The following NBPF3 variants were observed in gnomAD, a reference collection of about 807,000 sequenced individuals.
NBPF3 encodes the protein NBPF member 3.
NBPF3 carries 57 observed loss-of-function variants against 78.1 expected under a neutral mutation model. The observed-to-expected ratio is 0.73, with a 90% CI of 0.59 to 0.91. NBPF3 has a LOEUF of 0.91. Ranked by LOEUF, NBPF3 falls within the 40% of genes least tolerant of loss-of-function variation. The pLI is 0.00. For missense variants in NBPF3, 510 were observed against 715.3 expected, an observed-to-expected ratio of 0.71 and a Z score of 3.27; for synonymous variants, 182 against 271.7, an observed-to-expected ratio of 0.67 and a Z score of 3.25.
At chr1:21,477,929 T>C (rs1642970129) in intron 8 of NBPF3, 2 of 925,522 alleles carry the variant, frequency 2.2e-6, no homozygotes, top group Non-Finnish European at 3.2e-6. Flanking sequence ...CTGTGGCAAA[T>C]GTACTGAGCA....
chr1:21,478,197 G>T lies in NBPF3; in HGVS notation c.1046G>T (p.Gly349Val). 1 of 1,614,162 alleles carries T rather than the reference G, an allele frequency of 6.2e-7. No homozygotes were observed. The highest frequency in any genetic ancestry group is 8.5e-7 in the Non-Finnish European group (1 of 1,180,030). ...GCCCCCCAGGAGTCCTGGGATGAAG[G>T]TGATTGGACTCTCTCAATTCCTCCT... Reference protein sequence around the residue: ...EEAPQESWDEGDWTLSIPPDM... With the variant: ...EEAPQESWDEVDWTLSIPPDM... The change falls in exon 9 of 15, where the codon GGT (glycine) becomes GTT (valine). Residue 349 changes from glycine (G) to valine (V), a missense_variant. Physicochemically the swap from Gly to Val is moderately radical, Grantham distance 109. Around this residue, in one of 5 missense-constraint regions of NBPF3, gnomAD observed 440 missense variants for 478.2 expected, o/e 0.92. Coordinates refer to ENST00000318249, the MANE Select transcript of NBPF3 (RefSeq NM_032264.6).
Position 21,471,637 on chromosome 1 carries a change from G to A in NBPF3, c.515G>A (p.Gly172Glu). 1 of 1,612,696 alleles carries A rather than the reference G, an allele frequency of 6.2e-7. No homozygotes were observed. Among genetic ancestry groups the A allele is most frequent in the Non-Finnish European group, 8.5e-7 (1 of 1,179,844 alleles). ...LTQLREKLQEGRDASRSLNQH... is the reference protein window; with the variant it reads ...LTQLREKLQEERDASRSLNQH... ...CAGTTAAGGGAGAAGTTACAGGAAG[G>A]GAGAGATGCCTCCCGCTCATTGAAT... The change falls in exon 5 of 15, where the codon GGG becomes GAG. Residue 172 changes from glycine to glutamate, a missense_variant. This residue lies in a region of NBPF3 where 440 missense variants were observed against 478.2 expected (regional missense o/e 0.92). Transcript: ENST00000318249.
At chr1:21,463,267 A>G (rs958122756) in intron 2 of NBPF3, among the ~76,000 whole-genome samples, 10 of 152,170 alleles carry the variant, frequency 6.6e-5, no homozygotes, top group Non-Finnish European at 1.5e-4. Context: ...TCAACTCTAA[A>G]GGGCCTGAGG....
rs1185025579 is a variant in NBPF3, at chr1:21,470,817, C to G, written c.446+83C>G. On this transcript the variant is annotated intron_variant, in intron 4 of 14. Transcript: ENST00000318249. ...GCAGCTCGGCAGGGAGAACTAAGAG[C>G]TGAACTGGGCCAGGGGAAGGGCAGG... is the stretch of plus-strand genomic sequence containing the variant. The G allele has an allele frequency of 3.5e-6, 3 of 857,070 alleles. No homozygotes were observed. The African/African-American group carries it at 5.1e-5, about 15-fold the overall frequency. The allele number at this position is 857,070 out of a possible 1,614,324, so 53.1% of individuals were successfully genotyped here.
intron 2 of NBPF3, 134 bp from the exon 3 acceptor site, chr1:21,468,554 T>A: frequency 6.5e-7 from 1 of 1,547,334 alleles, no homozygotes; most frequent in African/African-American, 1.4e-5. Context: ...GATCCTAAAG[T>A]GCTGCGGGGA....
chr1:21,441,635 A>G (rs1476122261), intron 1 of NBPF3, among the ~76,000 whole-genome samples: 1 of 150,886 alleles, frequency 6.6e-6, no homozygotes, highest in Admixed American at 6.6e-5. Flanking sequence ...AGAGCCCGGA[A>G]GGTTGAGATT....
At chr1:21,480,598 GCTGAATACTGCAGTTTTC>G (rs1391746120) in intron 11 of NBPF3, among the ~76,000 whole-genome samples, 2 of 152,308 alleles carry the variant, frequency 1.3e-5, no homozygotes, top group East Asian at 3.8e-4. Context: ...ATGAGACAGG[GCTGAATACTGCAGTTTTC>G]CTCCTAGAAA....
At chr1:21,475,595 CT>C (rs1642848136) in intron 8 of NBPF3, among the ~76,000 whole-genome samples, 1 of 152,190 alleles carries the variant, frequency 6.6e-6, no homozygotes, top group Non-Finnish European at 1.5e-5. Flanking sequence ...ATCCTGAGCT[CT>C]AATTTGATAG....
chr1:21,444,115 G>A (rs113925591), intron 1 of NBPF3, among the ~76,000 whole-genome samples: 3 of 152,110 alleles, frequency 2.0e-5, no homozygotes, highest in African/African-American at 7.2e-5. Flanking sequence ...GACCTTGCCT[G>A]GCATGAAACA....
intron 2 of NBPF3, among the ~76,000 whole-genome samples, chr1:21,463,910 T>C (rs1642101646): frequency 6.6e-6 from 1 of 152,138 alleles, no homozygotes; most frequent in South Asian, 2.1e-4. Flanking sequence ...GAGATACCAC[T>C]TCACACCCAG....
At chr1:21,472,214 G>A (rs1642637756) in intron 5 of NBPF3, among the ~76,000 whole-genome samples, 2 of 152,200 alleles carry the variant, frequency 1.3e-5, no homozygotes, top group South Asian at 4.1e-4. Flanking sequence ...TGCAAAGGCA[G>A]GCAAATTGTC....
chr1:21,466,276 C>T (rs891763918), intron 2 of NBPF3: 17 of 189,976 alleles, frequency 8.9e-5, no homozygotes, highest in Admixed American at 2.0e-4. Flanking sequence ...TAATAACACA[C>T]TTGGCCTTAT....
chr1:21,456,065 A>C (rs1357934302), intron 2 of NBPF3, among the ~76,000 whole-genome samples: 2 of 152,198 alleles, frequency 1.3e-5, no homozygotes, highest in Admixed American at 1.3e-4. Flanking sequence ...GACAAAATCC[A>C]CAAAGGGGTG....
intron 4 of NBPF3, among the ~76,000 whole-genome samples, chr1:21,471,117 A>G (rs1297753912): frequency 2.0e-5 from 3 of 151,912 alleles, no homozygotes; most frequent in Admixed American, 1.3e-4. Flanking sequence ...CTTTCACTCA[A>G]TGTTACCTTC....
rs184358201 is a variant in NBPF3, at chr1:21,479,993, G to A, written c.1209-58G>A. 322 of 846,422 alleles carry A rather than the reference G, an allele frequency of 3.8e-4. No individual in the cohort carries two copies. The African/African-American group carries it at 4.8e-3, about 13-fold the overall frequency. 52.4% of individuals were successfully genotyped at this position (846,422 alleles called of 1,614,324 possible). On this transcript the variant is annotated intron_variant, in intron 10 of 14. Coordinates refer to ENST00000318249, the MANE Select transcript of NBPF3 (RefSeq NM_032264.6). The stretch of plus-strand genomic sequence containing the variant: ...CTTATGTTACCCATGAAATCTAGCT[G>A]GGGCTGTGTGGTTTCTGATTCCCCC...
Position 21,457,167 on chromosome 1 carries a change from CGT to C in NBPF3, c.134-11500_134-11499del, listed in dbSNP as rs56310866. Among the ~76,000 whole-genome samples, 964 of 149,740 alleles carry C rather than the reference CGT, an allele frequency of 6.4e-3. 12 individuals are homozygous for C. Among genetic ancestry groups the C allele is most frequent in the African/African-American group, 0.02 (819 of 40,844 alleles). On this transcript the variant is annotated intron_variant, in intron 2 of 14. Transcript: ENST00000318249. The stretch of plus-strand genomic sequence containing the variant: ...TCAACAGGCTGGGTCTGGTGGCTCA[CGT>C]GTGTGTGTGTGTGTGTGTGTATGTA...
intron 5 of NBPF3, among the ~76,000 whole-genome samples, chr1:21,472,411 A>C (rs1255768087): frequency 6.6e-6 from 1 of 152,232 alleles, no homozygotes. Flanking sequence ...CAGAAGCCAC[A>C]TGGAGGGCCT....
intron 2 of NBPF3, among the ~76,000 whole-genome samples, chr1:21,445,671 T>C (rs1640927819): frequency 6.6e-6 from 1 of 152,052 alleles, no homozygotes; most frequent in Admixed American, 6.5e-5. Context: ...GGGAGATGTG[T>C]CTCGTTTTAG....
At chr1:21,479,284 G>C (rs1643050381) in intron 9 of NBPF3, 65 bp from the exon 10 acceptor site, 1 of 1,518,642 alleles carries the variant, frequency 6.6e-7, no homozygotes, top group Non-Finnish European at 9.1e-7. Context: ...ATTGGACAGA[G>C]GAATGTTTCC....
Sources: gnomAD v4.1 joint callset for allele counts (sites outside exome capture counted in the v4.1 genomes callset) on GRCh38, gnomAD v4.1.1 for gene constraint, gnomAD v4.1.1 regional missense constraint, MANE v1.5 for transcripts, NCBI Gene and HGNC (gene_info 2026-07-23, HGNC 2026-07-21) for gene names.